Variants in RGS20 observed in about 807,000 individuals in gnomAD.
The protein encoded by RGS20 is regulator of G protein signaling 20.
A neutral mutation model predicts 33.6 loss-of-function variants in RGS20; 30 were observed. The ratio of observed to expected loss-of-function variants is 0.89; its 90% CI spans 0.67 to 1.21. The LOEUF (loss-of-function observed/expected upper bound fraction) is 1.21, where lower values mean the gene tolerates loss of function less well. RGS20 is among the 50% of genes most tolerant of loss of function. RGS20 has a pLI of 0.00. For synonymous variants in RGS20, 208 were observed against 197.9 expected, an observed-to-expected ratio of 1.05 and a Z score of -0.43; for missense variants, 472 against 502.4, an observed-to-expected ratio of 0.94 and a Z score of 0.58.
intron 2 of RGS20, among the ~76,000 whole-genome samples, chr8:53,924,711 A>T (rs900161750): frequency 6.6e-5 from 10 of 152,116 alleles, no homozygotes; most frequent in Non-Finnish European, 1.0e-4. Flanking sequence ...CTCCATCTAG[A>T]AACATTAAGA....
chr8:53,929,677 T>A (rs575773526), intron 2 of RGS20, among the ~76,000 whole-genome samples: 8 of 152,236 alleles, frequency 5.3e-5, no homozygotes, highest in Non-Finnish European at 1.0e-4. Flanking sequence ...TCAAAAAAAA[T>A]GTTTAATAAC....
In RGS20 at chr8:53,851,835, G is replaced by A. The variant is rs139071759; in HGVS notation, c.-65G>A. ...TTAACCAAACAAAGAGAAGCAGAGT[G>A]GATCCTGTGCTAATATTGGGAAAAC... On this transcript the variant is annotated 5_prime_UTR_variant, in exon 1 of 6. Coordinates refer to ENST00000297313, the MANE Select transcript of RGS20 (RefSeq NM_170587.4). 309 of 1,524,718 alleles carry A rather than the reference G, an allele frequency of 2.0e-4. No individual in the cohort carries two copies. The African/African-American group carries it at 3.7e-3, about 18-fold the overall frequency. 94.4% of individuals were successfully genotyped at this position (1,524,718 alleles called of 1,614,324 possible). A position where few individuals can be genotyped will look rare whatever the true frequency, so the allele number is the denominator to read the frequency against.
intron 2 of RGS20, 35 bp downstream of exon 1, chr8:53,881,119 G>C (rs756771012): frequency 2.7e-6 from 4 of 1,456,268 alleles, no homozygotes; most frequent in Non-Finnish European, 3.6e-6. Flanking sequence ...CTCTTTCTTC[G>C]TCTCGGGCTC....
intron 1 of RGS20, among the ~76,000 whole-genome samples, chr8:53,867,106 C>G (rs1303595355): frequency 1.3e-5 from 2 of 152,152 alleles, no homozygotes; most frequent in Non-Finnish European, 2.9e-5. Context: ...TCATGTCTCC[C>G]TCTCCTGACC....
Position 53,877,444 on chromosome 8 carries a change from T to C in RGS20, c.166-1814T>C, listed in dbSNP as rs1364954845. The stretch of plus-strand genomic sequence containing the variant: ...GAGCACGCTTGGCGGCAGCTGAGCC[T>C]CCACCCCAAGCCCCAGCCGGAGGGG... On this transcript the variant is annotated intron_variant, in intron 1 of 5. Coordinates refer to ENST00000297313, the MANE Select transcript of RGS20 (RefSeq NM_170587.4). This position sits in a 1 kb window ranked among gnomAD's most constrained non-coding sequence, Gnocchi z 5.7. Among the ~76,000 whole-genome samples the C allele has an allele frequency of 5.3e-5, 8 of 152,142 alleles. No individual in the cohort carries two copies. Among genetic ancestry groups the C allele is most frequent in the Non-Finnish European group, 1.5e-5 (1 of 68,028 alleles).
intron 4 of RGS20, among the ~76,000 whole-genome samples, chr8:53,950,241 T>G (rs1814670749): frequency 6.6e-6 from 1 of 152,178 alleles, no homozygotes; most frequent in Non-Finnish European, 1.5e-5. Flanking sequence ...AAAAAATTGA[T>G]GATTGAAATA....
rs571760745 is a variant in RGS20 at position 53,914,231 on chromosome 8, A to G, written c.511-25345A>G. Among the ~76,000 whole-genome samples the G allele has an allele frequency of 5.9e-5, 9 of 152,180 alleles. No homozygotes were observed. In the South Asian group the frequency reaches 1.2e-3, roughly 21 times the overall value. The stretch of plus-strand genomic sequence containing the variant: ...TATTTGTAGAGATAGAGGTCATGCA[A>G]TGTTGCCTGGGCTGGTCTTGAACTC... On this transcript the variant is annotated intron_variant, in intron 2 of 5. Coordinates refer to ENST00000297313, the MANE Select transcript of RGS20 (RefSeq NM_170587.4).
intron 1 of RGS20, among the ~76,000 whole-genome samples, chr8:53,855,554 TA>T (rs1219478238): frequency 1.3e-5 from 2 of 152,194 alleles, no homozygotes; most frequent in African/African-American, 4.8e-5. Context: ...TGTAATGTGC[TA>T]AAATTGCATG....
chr8:53,930,162 G>C (rs1054242149), intron 2 of RGS20, among the ~76,000 whole-genome samples: 4 of 152,204 alleles, frequency 2.6e-5, no homozygotes, highest in African/African-American at 9.6e-5. Flanking sequence ...TGATCATGTA[G>C]AGACAGTATG....
At chr8:53,920,888 A>G (rs1813625558) in intron 2 of RGS20, among the ~76,000 whole-genome samples, 1 of 152,100 alleles carries the variant, frequency 6.6e-6, no homozygotes, top group African/African-American at 2.4e-5. Context: ...CCTCCTGAGT[A>G]GCTGGGATTA....
intron 2 of RGS20, among the ~76,000 whole-genome samples, chr8:53,882,396 G>A (rs967856449): frequency 3.3e-5 from 5 of 152,106 alleles, no homozygotes; most frequent in African/African-American, 1.2e-4. Context: ...GCCAGCGAGC[G>A]ACCCCAGCAG....
At chr8:53,898,188 G>C (rs995617115) in intron 2 of RGS20, among the ~76,000 whole-genome samples, 2 of 152,176 alleles carry the variant, frequency 1.3e-5, no homozygotes, top group African/African-American at 4.8e-5. Flanking sequence ...TGATGATGAT[G>C]ATGATGATGA....
At chr8:53,874,999 G>A (rs1812166997) in intron 1 of RGS20, among the ~76,000 whole-genome samples, 1 of 152,194 alleles carries the variant, frequency 6.6e-6, no homozygotes, top group Non-Finnish European at 1.5e-5. Flanking sequence ...TAAAAAGAGA[G>A]TCTGGGATAC....
intron 1 of RGS20, among the ~76,000 whole-genome samples, chr8:53,873,463 A>AC (rs1208587017): frequency 1.3e-5 from 2 of 152,146 alleles, no homozygotes; most frequent in Non-Finnish European, 2.9e-5. Context: ...TATTCTTGGC[A>AC]CCTCATATAA....
intron 2 of RGS20, among the ~76,000 whole-genome samples, chr8:53,898,105 G>A (rs893420593): frequency 5.9e-5 from 9 of 152,164 alleles, no homozygotes; most frequent in South Asian, 2.1e-4. Flanking sequence ...CCACCCGCTC[G>A]CCTTGCACCA....
intron 3 of RGS20, among the ~76,000 whole-genome samples, chr8:53,944,705 A>G (rs1474252449): frequency 6.6e-6 from 1 of 152,192 alleles, no homozygotes; most frequent in Non-Finnish European, 1.5e-5. Flanking sequence ...AGGATATAAA[A>G]TTATCATTAA....
chr8:53,883,364 A>G (rs1812451455), intron 2 of RGS20, among the ~76,000 whole-genome samples: 1 of 151,732 alleles, frequency 6.6e-6, no homozygotes, highest in Non-Finnish European at 1.5e-5. Flanking sequence ...GGGTTTCTCC[A>G]TGTTGGTCAG....
At chr8:53,909,286 G>T in intron 2 of RGS20, among the ~76,000 whole-genome samples, 1 of 131,392 alleles carries the variant, frequency 7.6e-6, no homozygotes, top group African/African-American at 2.9e-5. Flanking sequence ...GTCTTACTCT[G>T]TCACCCAGGC....
intron 1 of RGS20, among the ~76,000 whole-genome samples, chr8:53,872,430 C>A (rs1812098234): frequency 6.6e-6 from 1 of 152,116 alleles, no homozygotes. Context: ...CTATATGGAC[C>A]CTTAATACCC....
Sources: allele counts gnomAD v4.1 joint callset (sites outside exome capture counted in the v4.1 genomes callset), GRCh38; gene constraint gnomAD v4.1.1; non-coding constraint Gnocchi (gnomAD v3.1); transcripts MANE v1.5; gene names NCBI Gene and HGNC (gene_info 2026-07-23, HGNC 2026-07-21).